The following TENT2 variants were observed in gnomAD, a reference collection of about 807,000 sequenced individuals.
TENT2 encodes the protein terminal nucleotidyltransferase 2.
A neutral mutation model predicts 72.2 loss-of-function variants in TENT2; 44 were observed. The observed-to-expected ratio is 0.61, with a 90% confidence interval of 0.48 to 0.78. The LOEUF is 0.78. Among genes scored for constraint, TENT2 ranks in the 30% least tolerant of loss-of-function variants. The pLI is 0.00. For synonymous variants in TENT2, 212 were observed against 192.5 expected (o/e 1.10, Z -0.84); for missense variants, 541 against 569.6 (o/e 0.95, Z 0.51).
At chr5:79,644,095 C>T (rs753480142) in intron 7 of TENT2, among the ~76,000 whole-genome samples, 15 of 151,866 alleles carry the variant, frequency 9.9e-5, no homozygotes, top group Non-Finnish European at 1.6e-4. Context: ...GATTCTCATG[C>T]CTCAGCCTCC....
At chr5:79,626,586 C>T (rs1002890453) in intron 4 of TENT2, among the ~76,000 whole-genome samples, 4 of 150,800 alleles carry the variant, frequency 2.7e-5, no homozygotes, top group Admixed American at 1.3e-4. Flanking sequence ...GAATTACAGG[C>T]GTGAACCCCC....
intron 12 of TENT2, among the ~76,000 whole-genome samples, chr5:79,676,518 C>A (rs1361937403): frequency 2.0e-5 from 3 of 151,978 alleles, no homozygotes; most frequent in Non-Finnish European, 4.4e-5. Context: ...CTGGGAGGCA[C>A]GGAGGTTGCA....
At chr5:79,636,339 T>C (rs1255696887) in intron 4 of TENT2, among the ~76,000 whole-genome samples, 1 of 152,222 alleles carries the variant, frequency 6.6e-6, no homozygotes, top group Non-Finnish European at 1.5e-5. Flanking sequence ...ACTAATCTTA[T>C]TTCACCTTTA....
At chr5:79,675,899 G>T (rs1206120801) in intron 12 of TENT2, among the ~76,000 whole-genome samples, 2 of 152,020 alleles carry the variant, frequency 1.3e-5, no homozygotes, top group Admixed American at 1.3e-4. Context: ...TGGAGCCTAA[G>T]GTGTGTACTC....
intron 11 of TENT2, among the ~76,000 whole-genome samples, chr5:79,668,499 G>A (rs1390702032): frequency 6.6e-6 from 1 of 152,122 alleles, no homozygotes; most frequent in Non-Finnish European, 1.5e-5. Flanking sequence ...GCTTGATATA[G>A]CCTTTATACA....
intron 12 of TENT2, among the ~76,000 whole-genome samples, chr5:79,669,349 C>T (rs1208300693): frequency 1.3e-5 from 2 of 152,100 alleles, no homozygotes; most frequent in African/African-American, 2.4e-5. Context: ...TTTGGAACAT[C>T]CATTTTCTAT....
chr5:79,618,281 C>T (rs1447258705), intron 1 of TENT2, among the ~76,000 whole-genome samples: 1 of 152,140 alleles, frequency 6.6e-6, no homozygotes, highest in Admixed American at 6.5e-5. Context: ...GGGTGGAGTG[C>T]AGTGGCATGA....
chr5:79,674,231 A>C (rs1397958285), intron 12 of TENT2, among the ~76,000 whole-genome samples: 1 of 152,160 alleles, frequency 6.6e-6, no homozygotes, highest in East Asian at 1.9e-4. Context: ...CAAATAAAAA[A>C]ATTAGCCAGG....
rs764935383 is a variant in TENT2 at position 79,623,279 on chromosome 5, T to C, written c.255T>C (p.Pro85=). The change falls in exon 4 of 15, where the codon CCT becomes CCC. Residue 85 remains proline (P), a synonymous_variant. Coordinates refer to ENST00000453514, the MANE Select transcript of TENT2 (RefSeq NM_001114394.3). The part of the protein sequence containing the change: ...RKRLSDEKNL[P]LDGKRQRFHS... ...GATTAAGCGATGAAAAAAACCTTCC[T>C]CTTGACGGTAAACGGCAACGTTTCC... 1.5e-5 allele frequency: 24 copies of C among 1,613,236 alleles called. No individual in the cohort carries two copies. The highest frequency in any genetic ancestry group is 2.0e-5 in the Non-Finnish European group (24 of 1,179,542).
chr5:79,687,409 C>G lies in TENT2; in HGVS notation c.*2136C>G, dbSNP rs928184266. On this transcript the variant is annotated 3_prime_UTR_variant, in exon 15 of 15. Transcript: ENST00000453514. Reference sequence around the variant, plus strand: ...TTGAGGGATTGATTCCAGGTCAACCCCGTCCTCTTCAGATACCAAAATCCA... The same window carrying G: ...TTGAGGGATTGATTCCAGGTCAACCGCGTCCTCTTCAGATACCAAAATCCA... Among the ~76,000 whole-genome samples, 1 of 152,080 alleles carries G rather than the reference C, an allele frequency of 6.6e-6. No individual in the cohort carries two copies. Among genetic ancestry groups the G allele is most frequent in the Non-Finnish European group, 1.5e-5 (1 of 68,000 alleles).
At chr5:79,656,389 T>C (rs1280996244) in intron 10 of TENT2, among the ~76,000 whole-genome samples, 1 of 151,968 alleles carries the variant, frequency 6.6e-6, no homozygotes, top group African/African-American at 2.4e-5. Flanking sequence ...TCTTTAAAAA[T>C]GTACTAATGA....
At chr5:79,619,882 T>C in intron 2 of TENT2, 97 bp downstream of exon 2, 2 of 1,497,266 alleles carry the variant, frequency 1.3e-6, no homozygotes, top group Non-Finnish European at 1.8e-6. Flanking sequence ...ATGGAGAATA[T>C]GTCGTCACAT....
chr5:79,658,067 G>GATA (rs1464323630), intron 11 of TENT2, among the ~76,000 whole-genome samples: 5 of 152,186 alleles, frequency 3.3e-5, no homozygotes, highest in African/African-American at 1.2e-4. Context: ...CAAGGTGCTG[G>GATA]ATAATAAACG....
intron 6 of TENT2, 65 bp from the exon 7 acceptor site, chr5:79,642,767 T>G: frequency 1.9e-5 from 25 of 1,308,166 alleles, no homozygotes; most frequent in Non-Finnish European, 2.7e-5. Context: ...GTTGAGATAC[T>G]TTAGGAAAAT....
In TENT2 at chr5:79,629,017, G is replaced by C. The variant is rs112548872; in HGVS notation, c.465+5528G>C. Among the ~76,000 whole-genome samples, 1,154 of 152,286 alleles carry C rather than the reference G, an allele frequency of 7.6e-3. 11 individuals carry two copies. The highest frequency in any genetic ancestry group is 0.023 in the South Asian group (109 of 4,820). On this transcript the variant is annotated intron_variant, in intron 4 of 14. Coordinates refer to ENST00000453514, the MANE Select transcript of TENT2 (RefSeq NM_001114394.3). ...AAAAATGGAGCTCTGAGTCAGTGAG[G>C]CTGCTGTTAAGGTAGAGACAAAAGG...
intron 4 of TENT2, among the ~76,000 whole-genome samples, chr5:79,625,153 A>ATAT (rs1768453485): frequency 6.6e-6 from 1 of 152,166 alleles, no homozygotes; most frequent in Non-Finnish European, 1.5e-5. Flanking sequence ...ATGCCTAATG[A>ATAT]TATTGAGCAT....
intron 1 of TENT2, among the ~76,000 whole-genome samples, chr5:79,616,189 A>ATTTT (rs1229523040): frequency 1.1e-5 from 1 of 88,130 alleles, no homozygotes; most frequent in Non-Finnish European, 2.1e-5. Context: ...ACCCGGCCTA[A>ATTTT]TTTTTTTTTT....
intron 4 of TENT2, among the ~76,000 whole-genome samples, chr5:79,623,881 A>G (rs1371327124): frequency 2.0e-5 from 3 of 152,198 alleles, no homozygotes. Flanking sequence ...AATGTCAAAA[A>G]TAGAGAATCC....
chr5:79,687,050 A>G lies in TENT2; in HGVS notation c.*1777A>G, dbSNP rs1390978735. Among the ~76,000 whole-genome samples, 4 of 152,096 alleles carry G rather than the reference A, an allele frequency of 2.6e-5. No homozygotes were observed. Among genetic ancestry groups the G allele is most frequent in the Non-Finnish European group, 4.4e-5 (3 of 68,002 alleles). ...CCTCTACAGTATTATGACATTTCCT[A>G]ATAAAACCCCAGAATTTACCATGGT... is the stretch of plus-strand genomic sequence containing the variant. On this transcript the variant is annotated 3_prime_UTR_variant, in exon 15 of 15. Transcript: ENST00000453514.
Sources: gnomAD v4.1 joint callset for allele counts (sites outside exome capture counted in the v4.1 genomes callset) on GRCh38, gnomAD v4.1.1 for gene constraint, MANE v1.5 for transcripts, NCBI Gene and HGNC (gene_info 2026-07-23, HGNC 2026-07-21) for gene names.